Variants in ATP13A3 observed in about 807,000 individuals in gnomAD.
ATP13A3 encodes the protein polyamine-transporting ATPase 13A3.
In ATP13A3, 59 loss-of-function variants were observed where a neutral mutation model predicts 158.1. That is an observed-to-expected ratio of 0.37 (90% CI 0.30 to 0.46). The LOEUF (loss-of-function observed/expected upper bound fraction) is 0.46, where lower values mean the gene tolerates loss of function less well. ATP13A3 is among the 20% of genes least tolerant of loss of function. ATP13A3 has a pLI of 1.00. For missense variants in ATP13A3, 1,166 were observed against 1,525.2 expected (o/e 0.76, Z 3.92); for synonymous variants, 491 against 504.3 (o/e 0.97, Z 0.35).
intron 33 of ATP13A3, among the ~76,000 whole-genome samples, chr3:194,406,725 G>C (rs1359641540): frequency 1.3e-5 from 2 of 152,136 alleles, no homozygotes; most frequent in Non-Finnish European, 2.9e-5. Flanking sequence ...AGAAAGCTGT[G>C]TACAAGTATC....
intron 32 of ATP13A3, chr3:194,412,608 G>C: frequency 3.2e-6 from 1 of 312,554 alleles, no homozygotes; most frequent in Admixed American, 4.2e-5. Context: ...TATTTTCATT[G>C]AATATCTAGT....
intron 21 of ATP13A3, among the ~76,000 whole-genome samples, 158 bp downstream of exon 21, chr3:194,433,614 A>G (rs1313033405): frequency 6.6e-6 from 1 of 152,246 alleles, no homozygotes; most frequent in Non-Finnish European, 1.5e-5. Context: ...TGACAAAGTT[A>G]TCTTGCGCTT....
chr3:194,433,384 C>T (rs1045251345), intron 21 of ATP13A3, among the ~76,000 whole-genome samples: 2 of 152,112 alleles, frequency 1.3e-5, no homozygotes, highest in South Asian at 2.1e-4. Context: ...GCTGGGACTA[C>T]AGGCACCCGC....
chr3:194,442,899 C>T (rs187354473), intron 15 of ATP13A3, among the ~76,000 whole-genome samples: 277 of 152,152 alleles, frequency 1.8e-3, no homozygotes, highest in Non-Finnish European at 3.2e-3. Flanking sequence ...AATGAAATAA[C>T]AGCTTCATAG....
chr3:194,431,929 A>G, intron 21 of ATP13A3, 37 bp from the exon 22 acceptor site: 10 of 1,486,524 alleles, frequency 6.7e-6, no homozygotes, highest in Non-Finnish European at 9.0e-6. Context: ...TTGAAATTAA[A>G]ATGGAAACGT....
At chr3:194,459,336 G>T in intron 6 of ATP13A3, 135 bp downstream of exon 6, 2 of 672,988 alleles carry the variant, frequency 3.0e-6, no homozygotes, top group South Asian at 1.8e-5. Context: ...GCAACAGGGA[G>T]TTGTTAATTA....
intron 7 of ATP13A3, 53 bp downstream of exon 7, chr3:194,457,041 C>A: frequency 7.4e-7 from 1 of 1,344,494 alleles, no homozygotes; most frequent in Non-Finnish European, 1.1e-6. Flanking sequence ...ATTATGTATA[C>A]TACTGCTTTT....
chr3:194,433,232 CTTTTTT>C (rs71637136), intron 21 of ATP13A3, among the ~76,000 whole-genome samples: 1 of 113,658 alleles, frequency 8.8e-6, no homozygotes, highest in Admixed American at 9.3e-5. Flanking sequence ...TTTTACTATT[CTTTTTT>C]TTTTTTTTTT....
chr3:194,430,965 T>C lies in ATP13A3; in HGVS notation c.2602A>G (p.Ile868Val). ...RMAPDQKTQL[I>V]EALQNVDYFV... ...TACTCAACATTTTGCAATGCTTCTA[T>C]CAACTGTGTCTTCTGATCAGGTGCC... is the stretch of plus-strand genomic sequence containing the variant. Residue 868 changes from isoleucine to valine, a missense_variant, in exon 24 of 34, where the codon ATA (isoleucine) becomes GTA (valine). Transcript: ENST00000645319. The C allele has an allele frequency of 5.6e-6, 9 of 1,612,382 alleles. No homozygotes were observed. The highest frequency in any genetic ancestry group is 7.6e-6 in the Non-Finnish European group (9 of 1,178,956).
At chr3:194,438,723 G>A (rs1417995700) in intron 17 of ATP13A3, 133 bp downstream of exon 17, 4 of 489,014 alleles carry the variant, frequency 8.2e-6, no homozygotes, top group Non-Finnish European at 1.3e-5. Context: ...GGGATCATTT[G>A]AGCCCAGGAG....
chr3:194,455,809 C>A, intron 8 of ATP13A3, 84 bp downstream of exon 8: 1 of 911,658 alleles, frequency 1.1e-6, no homozygotes. Context: ...AAAAGAAAAC[C>A]AAGAATATTT....
intron 33 of ATP13A3, 104 bp downstream of exon 33, chr3:194,412,095 G>C: frequency 1.1e-6 from 1 of 899,310 alleles, no homozygotes; most frequent in Non-Finnish European, 1.7e-6. Context: ...GAACACGCTA[G>C]AGAATAACAC....
Position 194,486,702 on chromosome 3 carries a change from C to A in ATP13A3, c.-225G>T. ...CGCCTCAGCCCAGCCCCATCGCCCTCGGCCGGCGCCGCGCGCTGCGGCTCA... is the reference window on the plus strand; with the variant it reads ...CGCCTCAGCCCAGCCCCATCGCCCTAGGCCGGCGCCGCGCGCTGCGGCTCA... On this transcript the variant is annotated 5_prime_UTR_variant, in exon 1 of 34. Transcript: ENST00000645319. 1 of 149,862 alleles carries A rather than the reference C, an allele frequency of 6.7e-6. No homozygotes were observed. Among genetic ancestry groups the A allele is most frequent in the South Asian group, 1.8e-4 (1 of 5,504 alleles). 9.3% of individuals were successfully genotyped at this position (149,862 alleles called of 1,614,324 possible).
upstream of ATP13A3, among the ~76,000 whole-genome samples, chr3:194,491,776 C>CCATCTCTCACCTGGCATGCCCCCT (rs1159615293): frequency 9.1e-6 from 1 of 110,312 alleles, no homozygotes; most frequent in African/African-American, 3.6e-5. Context: ...CATGTCCCCT[C>CCATCTCTCACCTGGCATGCCCCCT]CATCTCTCAC....
Position 194,414,996 on chromosome 3 carries a change from T to A in ATP13A3, c.3403-1157A>T, listed in dbSNP as rs531420700. 1.0e-3 allele frequency among the ~76,000 whole-genome samples: 152 copies of A among 152,246 alleles called. No individual in the cohort carries two copies. The Middle Eastern group carries it at 0.02, about 20-fold the overall frequency. On this transcript the variant is annotated intron_variant, in intron 31 of 33. Coordinates refer to ENST00000645319, the MANE Select transcript of ATP13A3 (RefSeq NM_001367549.1). ...GACTCTAGGGGATATCACCAGAATG[T>A]ATTGAGTGACCAGAGGAATAAGAAC...
chr3:194,442,185 G>A (rs897074887), intron 15 of ATP13A3, among the ~76,000 whole-genome samples: 4 of 152,200 alleles, frequency 2.6e-5, no homozygotes, highest in African/African-American at 9.7e-5. Context: ...AGCAAAGTCA[G>A]AACTTCTCCA....
intron 15 of ATP13A3, among the ~76,000 whole-genome samples, chr3:194,443,414 G>A (rs916043094): frequency 6.6e-6 from 1 of 152,090 alleles, no homozygotes; most frequent in African/African-American, 2.4e-5. Flanking sequence ...ATGTAAATTG[G>A]GGGAGCAATG....
intron 30 of ATP13A3, among the ~76,000 whole-genome samples, chr3:194,423,648 A>G (rs976006155): frequency 6.6e-6 from 1 of 152,254 alleles, no homozygotes; most frequent in African/African-American, 2.4e-5. Flanking sequence ...TTTTATGGTT[A>G]TATTTCTGCT....
intron 2 of ATP13A3, among the ~76,000 whole-genome samples, chr3:194,493,779 C>G (rs1238397604): frequency 6.6e-6 from 1 of 152,124 alleles, no homozygotes. Context: ...TGAATACTTT[C>G]ATATGTTATC....
Sources: gnomAD v4.1 joint callset for allele counts (sites outside exome capture counted in the v4.1 genomes callset) on GRCh38, gnomAD v4.1.1 for gene constraint, MANE v1.5 for transcripts, NCBI Gene and HGNC (gene_info 2026-07-23, HGNC 2026-07-21) for gene names.